Variants in UGGT1 observed in about 807,000 individuals in gnomAD.
The protein encoded by UGGT1 is UDP-glucose glycoprotein glucosyltransferase 1, also known as UDP-glucose:glycoprotein glucosyltransferase 1.
UGGT1 carries 107 observed loss-of-function variants against 203.9 expected under a neutral mutation model. The observed-to-expected ratio is 0.52, with a 90% CI of 0.45 to 0.62. The LOEUF (loss-of-function observed/expected upper bound fraction) is 0.62. UGGT1 is among the 20% of genes least tolerant of loss of function. UGGT1 has a pLI of 0.00. For synonymous variants in UGGT1, 628 were observed against 653.5 expected, an observed-to-expected ratio of 0.96 and a Z score of 0.59; for missense variants, 1,673 against 1,867.2, an observed-to-expected ratio of 0.90 and a Z score of 1.92.
chr2:128,158,744 G>A (rs976673870), intron 22 of UGGT1, among the ~76,000 whole-genome samples: 9 of 152,080 alleles, frequency 5.9e-5, no homozygotes, highest in African/African-American at 2.2e-4. Context: ...TTTTGGCTTT[G>A]TGTGTCCTGG....
intron 32 of UGGT1, 33 bp downstream of exon 32, chr2:128,176,931 T>C: frequency 6.3e-7 from 1 of 1,578,592 alleles, no homozygotes; most frequent in East Asian, 2.2e-5. Context: ...CATTCTGTTA[T>C]TGGACAGCTG....
intron 40 of UGGT1, among the ~76,000 whole-genome samples, chr2:128,188,506 G>C (rs1378431641): frequency 6.6e-6 from 1 of 152,118 alleles, no homozygotes; most frequent in African/African-American, 2.4e-5. Context: ...ATATTAATAA[G>C]TTGGGCTCTA....
rs896256344 is a variant in UGGT1, at chr2:128,194,756, A to G, written c.*5014A>G. The G allele has an allele frequency of 6.6e-6, 1 of 152,050 alleles. No homozygotes were observed. Among genetic ancestry groups the G allele is most frequent in the African/African-American group, 2.4e-5 (1 of 41,390 alleles). 9.4% of individuals were successfully genotyped at this position (152,050 alleles called of 1,614,324 possible). A position where few individuals can be genotyped will look rare whatever the true frequency, so the allele number is the denominator to read the frequency against. On this transcript the variant is annotated 3_prime_UTR_variant, in exon 41 of 41. Coordinates refer to ENST00000259253, the MANE Select transcript of UGGT1 (RefSeq NM_020120.4). The stretch of plus-strand genomic sequence containing the variant: ...ATCTTAATCAGTATTTTGGTAATTA[A>G]CTGATTGAATTCAAGCAAATGAGAC...
At chr2:128,155,467 C>T (rs758990699) in intron 19 of UGGT1, 22 bp from the exon 20 acceptor site, 96 of 1,545,832 alleles carry the variant, frequency 6.2e-5, no homozygotes, top group South Asian at 9.0e-5. Context: ...CTAATATATA[C>T]GTATTTCATT....
chr2:128,116,261 A>T lies in UGGT1; in HGVS notation c.794-4A>T. On this transcript the variant is annotated splice_polypyrimidine_tract_variant and splice_region_variant and intron_variant, in intron 7 of 40. Transcript: ENST00000259253. The stretch of plus-strand genomic sequence containing the variant: ...AATAATATGTATTTTCTATTCTTTC[A>T]TAGGAACTGAGGTAAACACCACAGT... 6.3e-7 allele frequency: 1 copy of T among 1,582,292 alleles called. No homozygotes were observed. The highest frequency in any genetic ancestry group is 8.7e-7 in the Non-Finnish European group (1 of 1,153,160).
At chr2:128,130,826 A>G (rs1234918657) in intron 13 of UGGT1, among the ~76,000 whole-genome samples, 3 of 151,916 alleles carry the variant, frequency 2.0e-5, no homozygotes, top group South Asian at 2.1e-4. Context: ...GAGTCTCACT[A>G]TGTTGCCCAG....
chr2:128,163,713 CA>C (rs35601849), intron 25 of UGGT1, among the ~76,000 whole-genome samples: 42 of 139,142 alleles, frequency 3.0e-4, no homozygotes, highest in East Asian at 6.4e-4. Flanking sequence ...GACTCCGTCT[CA>C]AAAAAAAAAA....
chr2:128,172,334 A>G lies in UGGT1; in HGVS notation c.3105-239A>G, dbSNP rs73955972. On this transcript the variant is annotated intron_variant, in intron 28 of 40. Coordinates refer to ENST00000259253, the MANE Select transcript of UGGT1 (RefSeq NM_020120.4). ...AGAAGGTCATTGCTACGACATCACC[A>G]CAGGCCACCACTGAGCACTCCTCCT... 4.0e-3 allele frequency among the ~76,000 whole-genome samples: 607 copies of G among 152,224 alleles called. 6 individuals carry two copies. The highest frequency in any genetic ancestry group is 0.013 in the African/African-American group (544 of 41,552).
At chr2:128,125,114 C>G (rs555445649) in intron 11 of UGGT1, among the ~76,000 whole-genome samples, 1 of 152,292 alleles carries the variant, frequency 6.6e-6, no homozygotes, top group Admixed American at 6.5e-5. Flanking sequence ...TGGGTGAAAT[C>G]TGTTTGCTAG....
intron 18 of UGGT1, among the ~76,000 whole-genome samples, chr2:128,147,232 C>G (rs1188733427): frequency 6.6e-6 from 1 of 152,232 alleles, no homozygotes; most frequent in Non-Finnish European, 1.5e-5. Context: ...TATCTATCTT[C>G]AAATTCACTT....
chr2:128,148,613 A>G (rs1689804270), intron 18 of UGGT1, among the ~76,000 whole-genome samples: 1 of 152,162 alleles, frequency 6.6e-6, no homozygotes, highest in South Asian at 2.1e-4. Flanking sequence ...ACAGAGCCCC[A>G]AGGTTAGAGG....
At chr2:128,187,761 AT>A (rs934815742) in intron 40 of UGGT1, 147 bp downstream of exon 40, 119 of 940,402 alleles carry the variant, frequency 1.3e-4, no homozygotes, top group South Asian at 3.1e-4. Context: ...TATATTTTTC[AT>A]TTTCCTTTTA....
chr2:128,189,451 A>G (rs1480385962), intron 40 of UGGT1, among the ~76,000 whole-genome samples: 4 of 152,244 alleles, frequency 2.6e-5, no homozygotes, highest in Admixed American at 2.6e-4. Flanking sequence ...AATGCATGCA[A>G]CGTTTACTGA....
chr2:128,142,422 A>G (rs1295855039), intron 16 of UGGT1, among the ~76,000 whole-genome samples: 1 of 149,254 alleles, frequency 6.7e-6, no homozygotes, highest in Non-Finnish European at 1.5e-5. Flanking sequence ...CGTCTCTACT[A>G]AAAAATACAA....
At chr2:128,188,017 G>A (rs1305282758) in intron 40 of UGGT1, among the ~76,000 whole-genome samples, 4 of 137,934 alleles carry the variant, frequency 2.9e-5, no homozygotes, top group Non-Finnish European at 6.2e-5. Context: ...TGTAGTTGAA[G>A]AAACTTTTTT....
chr2:128,164,858 T>C (rs1383317912), intron 26 of UGGT1, 33 bp downstream of exon 26: 5 of 1,510,892 alleles, frequency 3.3e-6, no homozygotes, highest in Non-Finnish European at 4.5e-6. Context: ...GTGCATATTC[T>C]TGAATATTAA....
In UGGT1 at chr2:128,176,808, G is replaced by A. The variant is rs767624714; in HGVS notation, c.3540-6G>A. ...TTGTAATATTGATCTTTCTTTTCTC[G>A]CAAAGCCACGATGGCACTGATTCTC... On this transcript the variant is annotated splice_polypyrimidine_tract_variant and splice_region_variant and intron_variant, in intron 31 of 40. Transcript: ENST00000259253. 11 of 1,612,752 alleles carry A rather than the reference G, an allele frequency of 6.8e-6. No individual in the cohort carries two copies. The Admixed American group carries it at 8.4e-5, about 12-fold the overall frequency.
At chr2:128,137,244 C>T (rs1345029333) in intron 15 of UGGT1, among the ~76,000 whole-genome samples, 1 of 152,126 alleles carries the variant, frequency 6.6e-6, no homozygotes, top group East Asian at 1.9e-4. Context: ...GAGAAGACCT[C>T]CATCTCTACA....
intron 1 of UGGT1, 42 bp downstream of exon 1, chr2:128,091,457 G>C (rs754838334): frequency 1.3e-6 from 2 of 1,558,316 alleles, no homozygotes; most frequent in South Asian, 2.4e-5. Context: ...GACAAAGAGA[G>C]GGTTTGGGGC....
Sources: allele counts gnomAD v4.1 joint callset (sites outside exome capture counted in the v4.1 genomes callset), GRCh38; gene constraint gnomAD v4.1.1; transcripts MANE v1.5; gene names NCBI Gene and HGNC (gene_info 2026-07-23, HGNC 2026-07-21).